PACSIN2: variants seen among roughly 807,000 people sequenced by gnomAD.
The protein encoded by PACSIN2 is protein kinase C and casein kinase substrate in neurons 2, also known as protein kinase C and casein kinase substrate in neurons protein 2.
A neutral mutation model predicts 63.8 loss-of-function variants in PACSIN2; 25 were observed. That is an observed-to-expected ratio of 0.39 (90% CI 0.29 to 0.55). PACSIN2 has a LOEUF of 0.55. PACSIN2 is among the 20% of genes least tolerant of loss of function. PACSIN2 has a pLI of 0.62. For missense variants in PACSIN2, 518 were observed against 646.9 expected (o/e 0.80, Z 2.16); for synonymous variants, 255 against 256.2 (o/e 1.00, Z 0.05).
chr22:42,896,647 C>T (rs1435788968), intron 2 of PACSIN2, among the ~76,000 whole-genome samples: 1 of 152,172 alleles, frequency 6.6e-6, no homozygotes, highest in Non-Finnish European at 1.5e-5. Flanking sequence ...CGGTGAATAC[C>T]TAGGAATGGA....
intron 2 of PACSIN2, among the ~76,000 whole-genome samples, chr22:42,901,747 G>C (rs1361810482): frequency 6.6e-6 from 1 of 152,212 alleles, no homozygotes; most frequent in Non-Finnish European, 1.5e-5. Flanking sequence ...TGGGGGGTGA[G>C]GTGAGCCTTC....
intron 1 of PACSIN2, among the ~76,000 whole-genome samples, chr22:42,955,305 A>AACG (rs1569320147): frequency 1.3e-5 from 2 of 152,054 alleles, no homozygotes; most frequent in African/African-American, 4.8e-5. Flanking sequence ...ATGAACAAAC[A>AACG]AACGAACGAA....
chr22:42,962,752 C>A (rs555077332), intron 1 of PACSIN2, among the ~76,000 whole-genome samples: 2 of 104,140 alleles, frequency 1.9e-5, no homozygotes, highest in East Asian at 5.3e-4. Context: ...CCCAAGTACC[C>A]AGTCACAAGA....
At chr22:42,892,100 C>T (rs929390847) in intron 3 of PACSIN2, among the ~76,000 whole-genome samples, 12 of 152,258 alleles carry the variant, frequency 7.9e-5, no homozygotes, top group African/African-American at 2.4e-4. Flanking sequence ...GGGGCTGAGT[C>T]GCCTCTCCCT....
chr22:43,002,660 T>C (rs1923840541), intron 1 of PACSIN2, among the ~76,000 whole-genome samples: 1 of 152,046 alleles, frequency 6.6e-6, no homozygotes, highest in Admixed American at 6.6e-5. Flanking sequence ...TCTTAAGGTG[T>C]TCATACCCTT....
intron 1 of PACSIN2, chr22:43,002,354 A>G (rs949880263): frequency 2.0e-5 from 3 of 152,214 alleles, no homozygotes; most frequent in Non-Finnish European, 2.9e-5. Context: ...AAGCACTCAC[A>G]ACCTTGGGAA....
intron 1 of PACSIN2, among the ~76,000 whole-genome samples, chr22:43,002,115 C>G (rs905560089): frequency 2.6e-5 from 4 of 152,172 alleles, no homozygotes; most frequent in Non-Finnish European, 5.9e-5. Flanking sequence ...TTCCCAGGTT[C>G]CCTTTGAGAT....
chr22:42,958,745 A>G (rs1332711745), intron 1 of PACSIN2, among the ~76,000 whole-genome samples: 1 of 152,182 alleles, frequency 6.6e-6, no homozygotes, highest in Non-Finnish European at 1.5e-5. Context: ...ACAAGAAAGC[A>G]TGTTTTTCTG....
chr22:42,967,993 T>C (rs574219783), intron 1 of PACSIN2, among the ~76,000 whole-genome samples: 1 of 152,362 alleles, frequency 6.6e-6, no homozygotes, highest in South Asian at 2.1e-4. Flanking sequence ...TATACAATGA[T>C]ATACTCAGGA....
At chr22:42,889,373 T>TTTACACACACACACACACACACAC (rs1555909669) in intron 4 of PACSIN2, among the ~76,000 whole-genome samples, 10 of 122,548 alleles carry the variant, frequency 8.2e-5, no homozygotes, top group Admixed American at 6.8e-4. Flanking sequence ...TAATGGTTTT[T>TTTACACACACACACACACACACAC]ACACACACAC....
chr22:42,890,554 C>T (rs1929830092), intron 4 of PACSIN2, among the ~76,000 whole-genome samples: 1 of 151,986 alleles, frequency 6.6e-6, no homozygotes, highest in African/African-American at 2.4e-5. Flanking sequence ...CCCGTCTCTA[C>T]TAAAAATACA....
intron 10 of PACSIN2, among the ~76,000 whole-genome samples, chr22:42,872,530 G>A (rs1426627080): frequency 6.6e-6 from 1 of 152,232 alleles, no homozygotes; most frequent in Non-Finnish European, 1.5e-5. Flanking sequence ...GCATTTCCCT[G>A]ATGCTTTGGA....
At chr22:42,900,546 A>G (rs1398984445) in intron 2 of PACSIN2, among the ~76,000 whole-genome samples, 2 of 152,192 alleles carry the variant, frequency 1.3e-5, no homozygotes, top group Non-Finnish European at 2.9e-5. Context: ...CAGTGGCACA[A>G]TCACAGAGGC....
At chr22:42,875,210 T>C (rs1569203113) in intron 10 of PACSIN2, among the ~76,000 whole-genome samples, 1 of 151,692 alleles carries the variant, frequency 6.6e-6, no homozygotes, top group East Asian at 1.9e-4. Context: ...GAGTACGTGG[T>C]ATGAACATGG....
intron 2 of PACSIN2, among the ~76,000 whole-genome samples, chr22:42,905,992 C>T (rs1476238865): frequency 6.6e-6 from 1 of 152,264 alleles, no homozygotes; most frequent in African/African-American, 2.4e-5. Context: ...ATGTGCTGTG[C>T]ATGGCACCAG....
At chr22:42,889,287 GT>G (rs1311595176) in intron 4 of PACSIN2, among the ~76,000 whole-genome samples, 1 of 151,792 alleles carries the variant, frequency 6.6e-6, no homozygotes, top group Non-Finnish European at 1.5e-5. Context: ...TACAAAGAAA[GT>G]TCCAAGGAGG....
intron 1 of PACSIN2, among the ~76,000 whole-genome samples, chr22:42,938,448 C>G (rs1449424070): frequency 1.3e-5 from 2 of 152,216 alleles, no homozygotes; most frequent in Non-Finnish European, 2.9e-5. Context: ...TTCTCCCTTT[C>G]CCATGACCTT....
chr22:42,896,499 T>C (rs536561189), intron 2 of PACSIN2, among the ~76,000 whole-genome samples: 1 of 152,342 alleles, frequency 6.6e-6, no homozygotes, highest in Admixed American at 6.5e-5. Flanking sequence ...ATTGGGTAGT[T>C]ATACCACTCT....
intron 1 of PACSIN2, among the ~76,000 whole-genome samples, chr22:42,967,314 A>G (rs1189678612): frequency 2.0e-5 from 3 of 152,292 alleles, no homozygotes; most frequent in Non-Finnish European, 2.9e-5. Context: ...AGAAGATCCC[A>G]ATGTTACTGA....
Sources: gnomAD v4.1 joint callset for allele counts (sites outside exome capture counted in the v4.1 genomes callset) on GRCh38, gnomAD v4.1.1 for gene constraint, MANE v1.5 for transcripts, NCBI Gene and HGNC (gene_info 2026-07-23, HGNC 2026-07-21) for gene names.